ANXA4: variants seen among roughly 807,000 people sequenced by gnomAD.
ANXA4 encodes 35-beta calcimedin.
Under a neutral mutation model 49.8 loss-of-function variants are expected in ANXA4, and 39 were observed. That is an observed-to-expected ratio of 0.78 (90% CI 0.61 to 1.02). The LOEUF (loss-of-function observed/expected upper bound fraction) is 1.02, where lower values mean the gene tolerates loss of function less well. Ranked by LOEUF, ANXA4 falls within the 50% of genes least tolerant of loss-of-function variation. The pLI is 0.00. For synonymous variants in ANXA4, 134 were observed against 152.5 expected, an observed-to-expected ratio of 0.88 and a Z score of 0.89; for missense variants, 360 against 410.1, an observed-to-expected ratio of 0.88 and a Z score of 1.05.
At chr2:69,764,365 A>AT (rs1559160820) in intron 1 of ANXA4, among the ~76,000 whole-genome samples, 2 of 152,238 alleles carry the variant, frequency 1.3e-5, no homozygotes, top group African/African-American at 4.8e-5. Flanking sequence ...GAAACATGAT[A>AT]TAACCCTAAC....
At position 69,665,687 on chromosome 2, in the gene ANXA4, T is replaced by G. The variant is rs567183007; in HGVS notation, n.766+12405T>G. On this transcript the variant is annotated intron_variant and non_coding_transcript_variant, in intron 2 of 3. Transcript: ENST00000418066. ...CCTTAGTGGCAAGTCTCCTTTCTGA[T>G]ACTGTAGCTGAATCCAAAGCTTGTA... Among the ~76,000 whole-genome samples, 3 of 152,322 alleles carry G rather than the reference T, an allele frequency of 2.0e-5. No individual in the cohort carries two copies. The East Asian group carries it at 5.8e-4, about 29-fold the overall frequency.
chr2:69,647,998 G>A (rs188685141), intron 1 of ANXA4, among the ~76,000 whole-genome samples: 121 of 152,280 alleles, frequency 7.9e-4, no homozygotes, highest in Admixed American at 1.7e-3. Context: ...GAACATGTAT[G>A]GTTTGTTAAG....
At chr2:69,644,191 T>G, upstream of ANXA4, among the ~76,000 whole-genome samples, 1 of 56,208 alleles carries the variant, frequency 1.8e-5, no homozygotes, top group Non-Finnish European at 3.6e-5. Flanking sequence ...CCGCTGTATG[T>G]TCCACCCTTC....
At chr2:69,705,456 C>A (rs897596664) in intron 2 of ANXA4, among the ~76,000 whole-genome samples, 3 of 152,198 alleles carry the variant, frequency 2.0e-5, no homozygotes, top group Non-Finnish European at 2.9e-5. Context: ...CACACCATCA[C>A]TTTGGGATGG....
chr2:69,726,732 A>G (rs1430199803), intron 3 of ANXA4, among the ~76,000 whole-genome samples: 1 of 152,210 alleles, frequency 6.6e-6, no homozygotes, highest in African/African-American at 2.4e-5. Flanking sequence ...TTTTCTATCA[A>G]TAACATAAAA....
At chr2:69,692,671 A>C (rs780655869) in intron 2 of ANXA4, among the ~76,000 whole-genome samples, 3 of 152,218 alleles carry the variant, frequency 2.0e-5, no homozygotes, top group Non-Finnish European at 2.9e-5. Flanking sequence ...CAACTAATCC[A>C]GTTCCTCTAA....
At chr2:69,785,551 TTGATGATGA>T (rs10689485) in intron 2 of ANXA4, among the ~76,000 whole-genome samples, 1 of 150,754 alleles carries the variant, frequency 6.6e-6, no homozygotes, top group Non-Finnish European at 1.5e-5. Flanking sequence ...GAAGTTCTCT[TTGATGATGA>T]TGATGATGAT....
intron 1 of ANXA4, among the ~76,000 whole-genome samples, chr2:69,652,472 C>A (rs967409035): frequency 6.6e-6 from 1 of 152,160 alleles, no homozygotes; most frequent in Non-Finnish European, 1.5e-5. Flanking sequence ...TTGGGAGAAG[C>A]TTAGGGATCT....
At chr2:69,794,758 G>C (rs1672865146) in intron 3 of ANXA4, among the ~76,000 whole-genome samples, 1 of 152,102 alleles carries the variant, frequency 6.6e-6, no homozygotes, top group African/African-American at 2.4e-5. Context: ...TAGAGACGGG[G>C]TTTCACCGTG....
chr2:69,775,343 C>T (rs10202279), intron 1 of ANXA4, among the ~76,000 whole-genome samples: 38,245 of 152,044 alleles, frequency 0.25, 4,906 homozygotes, highest in East Asian at 0.34. Context: ...CTGAATATAT[C>T]GCCTTTTCTT....
intron 2 of ANXA4, among the ~76,000 whole-genome samples, chr2:69,718,544 A>C (rs1357172117): frequency 6.6e-6 from 1 of 152,240 alleles, no homozygotes; most frequent in African/African-American, 2.4e-5. Context: ...TTGTGGAATT[A>C]CTTACACTTT....
intron 2 of ANXA4, among the ~76,000 whole-genome samples, chr2:69,705,932 A>C (rs1474586054): frequency 6.6e-6 from 1 of 152,204 alleles, no homozygotes; most frequent in Non-Finnish European, 1.5e-5. Context: ...ACTTTGTCTC[A>C]AAAAACAAAA....
At chr2:69,795,865 T>A (rs988118195) in intron 3 of ANXA4, among the ~76,000 whole-genome samples, 14 of 152,186 alleles carry the variant, frequency 9.2e-5, no homozygotes, top group Non-Finnish European at 1.9e-4. Flanking sequence ...TCCCCCCAAC[T>A]ACAGTGAGAG....
chr2:69,785,433 C>T (rs897079137), intron 2 of ANXA4, among the ~76,000 whole-genome samples: 1 of 152,168 alleles, frequency 6.6e-6, no homozygotes, highest in African/African-American at 2.4e-5. Flanking sequence ...TGTACAAATG[C>T]TCCATCCTAG....
At chr2:69,802,809 G>A (rs182918852) in intron 3 of ANXA4, among the ~76,000 whole-genome samples, 1 of 152,170 alleles carries the variant, frequency 6.6e-6, no homozygotes, top group African/African-American at 2.4e-5. Flanking sequence ...TGAACAAAAG[G>A]TAATGAACCC....
chr2:69,793,760 C>T (rs193170103), intron 3 of ANXA4, among the ~76,000 whole-genome samples: 300 of 151,890 alleles, frequency 2.0e-3, no homozygotes, highest in African/African-American at 6.5e-3. Context: ...ATTTGTGGTG[C>T]ATTTTCTGTT....
intron 2 of ANXA4, among the ~76,000 whole-genome samples, chr2:69,710,005 G>C (rs79498220): frequency 4.3e-4 from 9 of 20,930 alleles, no homozygotes; most frequent in Non-Finnish European, 7.5e-4. Flanking sequence ...TTTTTTTTTT[G>C]AGACAGAGTT....
rs1296296890 is a variant in ANXA4, at chr2:69,746,210, C to T, written c.-47+4035C>T. 3.3e-5 allele frequency among the ~76,000 whole-genome samples: 5 copies of T among 152,174 alleles called. No individual in the cohort carries two copies. The East Asian group carries it at 9.7e-4, about 30-fold the overall frequency. ...TATTTTTAGTGGAGACGGGGTTTCA[C>T]CATGTTTGCCAGGGTGGTCTCAAAC... On this transcript the variant is annotated intron_variant, in intron 1 of 12. Coordinates refer to ENST00000394295, the MANE Select transcript of ANXA4 (RefSeq NM_001153.5).
In ANXA4 at chr2:69,693,482, G is replaced by A. The variant is rs564232774; in HGVS notation, n.767-27292G>A. Among the ~76,000 whole-genome samples, 8 of 152,186 alleles carry A rather than the reference G, an allele frequency of 5.3e-5. No homozygotes were observed. The South Asian group carries it at 1.5e-3, about 28-fold the overall frequency. On this transcript the variant is annotated intron_variant and non_coding_transcript_variant, in intron 2 of 3. Transcript: ENST00000418066. ...GAGACATTTGGGGCTCAAGCAGATG[G>A]GCTTTGGGGTCAAGAGATAAGGTGT...
Sources: gnomAD v4.1 joint callset for allele counts (sites outside exome capture counted in the v4.1 genomes callset) on GRCh38, gnomAD v4.1.1 for gene constraint, MANE v1.5 for transcripts, NCBI Gene and HGNC (gene_info 2026-07-23, HGNC 2026-07-21) for gene names.